Variants in CACFD1 observed in about 807,000 individuals in gnomAD.
CACFD1 encodes the protein calcium channel flower domain containing 1.
Under a neutral mutation model 21.3 loss-of-function variants are expected in CACFD1, and 26 were observed. That is an observed-to-expected ratio of 1.22 (90% CI 0.89 to 1.69). The LOEUF (loss-of-function observed/expected upper bound fraction) is 1.69. CACFD1 is among the 40% of genes most tolerant of loss of function. The pLI, the probability that CACFD1 is intolerant of heterozygous loss-of-function variation, is 0.00. For synonymous variants in CACFD1, 121 were observed against 106.6 expected (o/e 1.13, Z -0.83); for missense variants, 265 against 236.2 (o/e 1.12, Z -0.80).
In CACFD1 at chr9:133,463,543, G is replaced by T. The variant is rs1456623930; in HGVS notation, c.182G>T (p.Gly61Val). The T allele has an allele frequency of 5.6e-6, 9 of 1,614,060 alleles. No individual in the cohort carries two copies. Among genetic ancestry groups the T allele is most frequent in the South Asian group, 1.1e-5 (1 of 91,082 alleles). The change falls in exon 2 of 5, where the codon GGC becomes GTC. Residue 61 changes from glycine (G) to valine (V), a missense_variant. Gly to Val is a moderately radical substitution (Grantham distance 109). Coordinates refer to ENST00000316948, the MANE Select transcript of CACFD1 (RefSeq NM_017586.5). Reference sequence around the variant, plus strand: ...ATCCACCCTCTGAACATTGCGGCCGGCGTGTGGATGATGTGAGTAATGCAT... The same window carrying T: ...ATCCACCCTCTGAACATTGCGGCCGTCGTGTGGATGATGTGAGTAATGCAT... ...ITIHPLNIAA[G>V]VWMIMNAFIL... is the part of the protein sequence containing the mutation.
In CACFD1 at chr9:133,468,669, TC is replaced by T; in HGVS notation, c.*19del. 6.4e-7 allele frequency: 1 copy of T among 1,552,078 alleles called. No individual in the cohort carries two copies. The highest frequency in any genetic ancestry group is 8.7e-7 in the Non-Finnish European group (1 of 1,150,370). On this transcript the variant is annotated 3_prime_UTR_variant, in exon 5 of 5. Coordinates refer to ENST00000316948, the MANE Select transcript of CACFD1 (RefSeq NM_017586.5). ...GGAGCTGTGAAGGGCTGGGCGCCCC[TC>T]CCTCCCTGTCCCCTCTTCTGGCTCT...
In CACFD1 at chr9:133,470,058, C is replaced by G. The variant is rs1369319374; in HGVS notation, c.*1405C>G. ...CTGGGGACTTGGTGGGCTCCTGGGT[C>G]AGCAGCATCCCACCCCTGGGAGTCT... On this transcript the variant is annotated 3_prime_UTR_variant, in exon 5 of 5. Coordinates refer to ENST00000316948, the MANE Select transcript of CACFD1 (RefSeq NM_017586.5). 6.6e-6 allele frequency: 1 copy of G among 152,646 alleles called. No individual in the cohort carries two copies. Among genetic ancestry groups the G allele is most frequent in the Non-Finnish European group, 1.5e-5 (1 of 68,126 alleles). 9.5% of individuals were successfully genotyped at this position (152,646 alleles called of 1,614,324 possible).
chr9:133,470,189 CTGTGTGTGTGTGTGTGTGTGTGTGTG>C lies in CACFD1; in HGVS notation c.*1548_*1573del, dbSNP rs36075119. The C allele has an allele frequency of 2.0e-5, 3 of 149,640 alleles. No homozygotes were observed. The highest frequency in any genetic ancestry group is 7.4e-5 in the African/African-American group (3 of 40,550). The allele number at this position is 149,640 out of a possible 1,614,324, so 9.3% of individuals were successfully genotyped here. A position where few individuals can be genotyped will look rare whatever the true frequency, so the allele number is the denominator to read the frequency against. On this transcript the variant is annotated 3_prime_UTR_variant, in exon 5 of 5. Transcript: ENST00000316948. ...TCAGGCCAGTGCTGGGTTCAAAGGG[CTGTGTGTGTGTGTGTGTGTGTGTGTG>C]TGTGTGTGTGTATGTATATGTGTGT...
rs1554797950 is a variant in CACFD1, at chr9:133,460,138, G to A, written c.72G>A (p.Thr24=). Residue 24 remains threonine, a synonymous_variant, in exon 1 of 5, where the codon ACG becomes ACA. Transcript: ENST00000316948. Reference sequence around the variant, plus strand: ...CGCCCGCGCAGGAAGAGGGCATGACGTGGTGGTACCGCTGGCTGTGTCGCC... The same window carrying A: ...CGCCCGCGCAGGAAGAGGGCATGACATGGTGGTACCGCTGGCTGTGTCGCC... The part of the protein sequence containing the change: ...SAPPAQEEGM[T]WWYRWLCRLS... The A allele has an allele frequency of 9.0e-6, 14 of 1,561,076 alleles. No individual in the cohort carries two copies. Among genetic ancestry groups the A allele is most frequent in the Admixed American group, 1.9e-5 (1 of 53,252 alleles).
intron 1 of CACFD1, among the ~76,000 whole-genome samples, chr9:133,460,477 G>GGGCGGCGGGGGCGGGGGGGC (rs1564453239): frequency 7.9e-5 from 12 of 151,454 alleles, no homozygotes; most frequent in South Asian, 6.3e-4. Flanking sequence ...GGGGCGGCGG[G>GGGCGGCGGGGGCGGGGGGGC]GGCGGGGGTG....
At chr9:133,468,194 CAG>C in intron 4 of CACFD1, 166 bp downstream of exon 4, 1 of 1,129,830 alleles carries the variant, frequency 8.9e-7, no homozygotes, top group Middle Eastern at 2.0e-4. Context: ...TGGGTGAAGA[CAG>C]AGGACTTACA....
In CACFD1 at chr9:133,468,877, G is replaced by A. The variant is rs948081651; in HGVS notation, c.*224G>A. 9 of 686,538 alleles carry A rather than the reference G, an allele frequency of 1.3e-5. No individual in the cohort carries two copies. The highest frequency in any genetic ancestry group is 9.1e-5 in the African/African-American group (5 of 55,222). 42.5% of individuals were successfully genotyped at this position (686,538 alleles called of 1,614,324 possible). A position where few individuals can be genotyped will look rare whatever the true frequency, so the allele number is the denominator to read the frequency against. On this transcript the variant is annotated 3_prime_UTR_variant, in exon 5 of 5. Transcript: ENST00000316948. ...ACTTGAGGCAGAGCCTGCAGCAGCTGTGTGGACACTACCCAGCCCTACTCC... is the reference window on the plus strand; with the variant it reads ...ACTTGAGGCAGAGCCTGCAGCAGCTATGTGGACACTACCCAGCCCTACTCC...
At chr9:133,463,150 C>A (rs1843284000) in intron 1 of CACFD1, among the ~76,000 whole-genome samples, 1 of 152,232 alleles carries the variant, frequency 6.6e-6, no homozygotes, top group African/African-American at 2.4e-5. Flanking sequence ...TTTAATCCTT[C>A]TTTAATCCTA....
chr9:133,460,309 G>C, intron 1 of CACFD1, 122 bp downstream of exon 1: 1 of 923,530 alleles, frequency 1.1e-6, no homozygotes, highest in South Asian at 2.7e-5. Flanking sequence ...GGGTCTGCCG[G>C]GCGCCTCCCG....
intron 3 of CACFD1, among the ~76,000 whole-genome samples, chr9:133,467,088 A>G (rs1554799703): frequency 1.3e-5 from 2 of 152,048 alleles, no homozygotes; most frequent in African/African-American, 4.8e-5. Context: ...TCTCACAACC[A>G]CATGTCTACA....
chr9:133,460,028 C>CCTTT lies in CACFD1; in HGVS notation c.-38_-35dup. On this transcript the variant is annotated 5_prime_UTR_variant, in exon 1 of 5. Coordinates refer to ENST00000316948, the MANE Select transcript of CACFD1 (RefSeq NM_017586.5). ...GCTCGGACGCGGCCGGCTACCGAGC[C>CCTTT]CTTTGTGAGGGCTGTGAGCTGCGCC... The CCTTT allele has an allele frequency of 6.6e-7, 1 of 1,512,372 alleles. No individual in the cohort carries two copies. Among genetic ancestry groups the CCTTT allele is most frequent in the Non-Finnish European group, 8.8e-7 (1 of 1,130,612 alleles). 93.7% of individuals were successfully genotyped at this position (1,512,372 alleles called of 1,614,324 possible).
chr9:133,464,513 C>A (rs1843354045), intron 2 of CACFD1, among the ~76,000 whole-genome samples: 1 of 152,068 alleles, frequency 6.6e-6, no homozygotes, highest in South Asian at 2.1e-4. Flanking sequence ...AGAGTGCCTG[C>A]CCCGGGCTTG....
chr9:133,470,273 G>C lies in CACFD1; in HGVS notation c.*1620G>C, dbSNP rs1843642427. ...CACATCTGTCCCATGTATGCAGTGA[G>C]ACCTGTCTACCTCCCACAAGGAGCA... On this transcript the variant is annotated 3_prime_UTR_variant, in exon 5 of 5. Transcript: ENST00000316948. The C allele has an allele frequency of 6.6e-6, 1 of 152,540 alleles. No individual in the cohort carries two copies. Among genetic ancestry groups the C allele is most frequent in the Non-Finnish European group, 1.5e-5 (1 of 68,170 alleles). 9.4% of individuals were successfully genotyped at this position (152,540 alleles called of 1,614,324 possible).
Position 133,460,024 on chromosome 9 carries a change from G to GAGCCCTT in CACFD1, c.-42_-36dup. On this transcript the variant is annotated 5_prime_UTR_variant, in exon 1 of 5. Coordinates refer to ENST00000316948, the MANE Select transcript of CACFD1 (RefSeq NM_017586.5). ...GCCGGCTCGGACGCGGCCGGCTACC[G>GAGCCCTT]AGCCCTTTGTGAGGGCTGTGAGCTG... 1 of 1,504,414 alleles carries GAGCCCTT rather than the reference G, an allele frequency of 6.6e-7. No individual in the cohort carries two copies. Among genetic ancestry groups the GAGCCCTT allele is most frequent in the Non-Finnish European group, 8.9e-7 (1 of 1,126,934 alleles). 93.2% of individuals were successfully genotyped at this position (1,504,414 alleles called of 1,614,324 possible). A position where few individuals can be genotyped will look rare whatever the true frequency, so the allele number is the denominator to read the frequency against.
chr9:133,466,741 C>G (rs1843452781), intron 3 of CACFD1, among the ~76,000 whole-genome samples: 1 of 152,132 alleles, frequency 6.6e-6, no homozygotes, highest in Non-Finnish European at 1.5e-5. Context: ...CCGCCCCCAC[C>G]CCAGCCCAGG....
At chr9:133,468,198 G>A (rs1843519469) in intron 4 of CACFD1, 170 bp downstream of exon 4, 2 of 1,144,118 alleles carry the variant, frequency 1.7e-6, no homozygotes, top group African/African-American at 1.5e-5. Flanking sequence ...TGAAGACAGA[G>A]GACTTACAAC....
Position 133,465,526 on chromosome 9 carries a change from A to T in CACFD1, c.320+79A>T. ...CAAAATAGGACCCAAAAGTCAGGTGAGGGTGGGCAGTGTATTCAGTTCCTC... is the reference window on the plus strand; with the variant it reads ...CAAAATAGGACCCAAAAGTCAGGTGTGGGTGGGCAGTGTATTCAGTTCCTC... On this transcript the variant is annotated intron_variant, in intron 3 of 4. Coordinates refer to ENST00000316948, the MANE Select transcript of CACFD1 (RefSeq NM_017586.5). The surrounding 1 kb of genome is among the most constrained non-coding windows in gnomAD (Gnocchi z 5.0). The T allele has an allele frequency of 7.1e-7, 1 of 1,401,132 alleles. No individual in the cohort carries two copies. Among genetic ancestry groups the T allele is most frequent in the Middle Eastern group, 1.9e-4 (1 of 5,404 alleles). 86.8% of individuals were successfully genotyped at this position (1,401,132 alleles called of 1,614,324 possible).
chr9:133,462,110 G>A (rs1275506784), intron 1 of CACFD1: 1 of 1,303,418 alleles, frequency 7.7e-7, no homozygotes, highest in Admixed American at 2.3e-5. Context: ...TGCTGGTCTG[G>A]CTTGACACCT....
At position 133,459,998 on chromosome 9, in the gene CACFD1, C is replaced by T; in HGVS notation, c.-69C>T. 1 of 1,456,938 alleles carries T rather than the reference C, an allele frequency of 6.9e-7. No individual in the cohort carries two copies. Among genetic ancestry groups the T allele is most frequent in the South Asian group, 1.4e-5 (1 of 73,778 alleles). 90.3% of individuals were successfully genotyped at this position (1,456,938 alleles called of 1,614,324 possible). On this transcript the variant is annotated 5_prime_UTR_variant, in exon 1 of 5. Coordinates refer to ENST00000316948, the MANE Select transcript of CACFD1 (RefSeq NM_017586.5). ...ATGCTCCCTCTCCCACAAGGCAGCG[C>T]GCCGGCTCGGACGCGGCCGGCTACC...
Sources: gnomAD v4.1 joint callset for allele counts (sites outside exome capture counted in the v4.1 genomes callset) on GRCh38, gnomAD v4.1.1 for gene constraint, Gnocchi (gnomAD v3.1) non-coding constraint, MANE v1.5 for transcripts, NCBI Gene and HGNC (gene_info 2026-07-23, HGNC 2026-07-21) for gene names.